Variants in AKAP19 observed in about 807,000 individuals in gnomAD.
AKAP19 encodes A-kinase anchoring protein 19, also known as small A-kinase anchoring protein.
At chr2:189,907,218 A>G in the AKAP19 span, among the ~76,000 whole-genome samples, 2,578 of 152,238 alleles carry the variant, frequency 0.017, 68 homozygotes, top group African/African-American at 0.059. Flanking sequence ...AAAGTCTTAC[A>G]TATATATGGG....
At chr2:190,176,852 C>G in the AKAP19 span, among the ~76,000 whole-genome samples, 1 of 152,186 alleles carries the variant, frequency 6.6e-6, no homozygotes, top group Non-Finnish European at 1.5e-5. This position sits in a 1 kb window ranked among gnomAD's most constrained non-coding sequence, Gnocchi z 4.7. Context: ...TCAGCCAAAT[C>G]CGAATAAAAT....
the AKAP19 span, among the ~76,000 whole-genome samples, chr2:190,012,522 T>A: frequency 6.6e-6 from 1 of 152,258 alleles, no homozygotes; most frequent in African/African-American, 2.4e-5. Context: ...TTGATGGAGC[T>A]ATTAGGGTTT....
chr2:189,930,421 G>A, the AKAP19 span: 2 of 266,308 alleles, frequency 7.5e-6, no homozygotes, highest in Non-Finnish European at 7.4e-6. Flanking sequence ...CTTCACGCCT[G>A]TAATCCCAGC....
At chr2:190,024,340 A>ATG in the AKAP19 span, among the ~76,000 whole-genome samples, 629 of 150,344 alleles carry the variant, frequency 4.2e-3, 2 homozygotes, top group Non-Finnish European at 6.9e-3. Flanking sequence ...ATATATATAT[A>ATG]TGTGTGTGTG....
chr2:190,014,996 C>T, the AKAP19 span, among the ~76,000 whole-genome samples: 4 of 152,178 alleles, frequency 2.6e-5, no homozygotes, highest in African/African-American at 4.8e-5. Flanking sequence ...TTGCAGGGTA[C>T]AGCCCACCTC....
At chr2:190,017,684 T>G in the AKAP19 span, among the ~76,000 whole-genome samples, 1 of 152,218 alleles carries the variant, frequency 6.6e-6, no homozygotes, top group African/African-American at 2.4e-5. Flanking sequence ...ATGAAATTGC[T>G]TTACACACCA....
chr2:190,201,302 C>CTGTT, the AKAP19 span: 1 of 166,800 alleles, frequency 6.0e-6, no homozygotes, highest in African/African-American at 2.4e-5. Flanking sequence ...GGATTAAGTA[C>CTGTT]TGTTTGAAGA....
At chr2:190,189,804 G>A in the AKAP19 span, 1 of 152,154 alleles carries the variant, frequency 6.6e-6, no homozygotes, top group Admixed American at 6.5e-5. Flanking sequence ...GTTCCCAAAG[G>A]AAGTGACAGA....
At chr2:190,132,797 A>G in the AKAP19 span, among the ~76,000 whole-genome samples, 1 of 152,228 alleles carries the variant, frequency 6.6e-6, no homozygotes, top group Non-Finnish European at 1.5e-5. Context: ...GATTACATCA[A>G]ACTAAAAAGC....
chr2:190,101,892 TA>T, the AKAP19 span, among the ~76,000 whole-genome samples: 9 of 152,250 alleles, frequency 5.9e-5, no homozygotes, highest in East Asian at 1.7e-3. Context: ...CCACAGAATA[TA>T]TATATTCTTC....
the AKAP19 span, among the ~76,000 whole-genome samples, chr2:190,139,283 A>G: frequency 6.6e-6 from 1 of 152,206 alleles, no homozygotes; most frequent in Non-Finnish European, 1.5e-5. Flanking sequence ...GCAAAGGAGC[A>G]AAGGATAGAG....
At chr2:190,053,601 T>C in the AKAP19 span, among the ~76,000 whole-genome samples, 1 of 152,294 alleles carries the variant, frequency 6.6e-6, no homozygotes, top group South Asian at 2.1e-4. Flanking sequence ...TGAATGACCA[T>C]GCAAATGAAA....
chr2:190,082,005 C>T, the AKAP19 span, among the ~76,000 whole-genome samples: 1 of 152,236 alleles, frequency 6.6e-6, no homozygotes, highest in Admixed American at 6.5e-5. Context: ...TACAGCTATC[C>T]ACCTGACATT....
At chr2:190,153,590 T>C in the AKAP19 span, among the ~76,000 whole-genome samples, 2 of 152,312 alleles carry the variant, frequency 1.3e-5, no homozygotes, top group East Asian at 3.9e-4. Flanking sequence ...TTTGAGTGCT[T>C]TTTAAAAAAT....
At chr2:190,020,019 G>A in the AKAP19 span, among the ~76,000 whole-genome samples, 4 of 152,066 alleles carry the variant, frequency 2.6e-5, no homozygotes, top group Admixed American at 6.6e-5. Flanking sequence ...GCCACTCCCC[G>A]AACACATATT....
chr2:190,135,171 T>C, the AKAP19 span, among the ~76,000 whole-genome samples: 1 of 152,174 alleles, frequency 6.6e-6, no homozygotes, highest in Non-Finnish European at 1.5e-5. Context: ...GAGGTAGATT[T>C]TTTTCCCAGT....
the AKAP19 span, among the ~76,000 whole-genome samples, chr2:190,103,860 G>A: frequency 6.6e-6 from 1 of 152,082 alleles, no homozygotes; most frequent in African/African-American, 2.4e-5. Flanking sequence ...ACAGAAAAGT[G>A]CCCAAATAGC....
the AKAP19 span, among the ~76,000 whole-genome samples, chr2:190,065,502 G>T: frequency 6.6e-6 from 1 of 152,126 alleles, no homozygotes; most frequent in Non-Finnish European, 1.5e-5. Context: ...AGGGAAAAAA[G>T]TTCTCATGAA....
chr2:190,044,319 A>G, the AKAP19 span, among the ~76,000 whole-genome samples: 1 of 152,116 alleles, frequency 6.6e-6, no homozygotes. Flanking sequence ...GCAATTGCTC[A>G]GTGCAATCAG....
Sources: allele counts gnomAD v4.1 joint callset (sites outside exome capture counted in the v4.1 genomes callset), GRCh38; gene constraint gnomAD v4.1.1; non-coding constraint Gnocchi (gnomAD v3.1); transcripts MANE v1.5; gene names NCBI Gene and HGNC (gene_info 2026-07-23, HGNC 2026-07-21).